The following CPPED1 variants were observed in gnomAD, a reference collection of about 807,000 sequenced individuals.
CPPED1 encodes calcineurin like phosphoesterase domain containing 1, also known as serine/threonine-protein phosphatase CPPED1.
Under a neutral mutation model 28.0 loss-of-function variants are expected in CPPED1, and 28 were observed. The observed-to-expected ratio is 1.00, with a 90% CI of 0.74 to 1.37. CPPED1 has a LOEUF of 1.37. Ranked by LOEUF, CPPED1 falls within the 40% of genes most tolerant of loss-of-function variation. CPPED1 has a pLI of 0.00. For missense variants in CPPED1, 504 were observed against 416.5 expected (o/e 1.21, Z -1.83); for synonymous variants, 198 against 180.2 (o/e 1.10, Z -0.79).
chr16:12,719,499 A>G (rs985991127), intron 2 of CPPED1, among the ~76,000 whole-genome samples: 1 of 152,196 alleles, frequency 6.6e-6, no homozygotes, highest in Non-Finnish European at 1.5e-5. Flanking sequence ...ATGCCTAGAA[A>G]TGTCTCTTGG....
chr16:12,776,641 C>A (rs1262937840), intron 2 of CPPED1, among the ~76,000 whole-genome samples: 1 of 152,220 alleles, frequency 6.6e-6, no homozygotes, highest in African/African-American at 2.4e-5. Context: ...TGCCTTTCAG[C>A]TGGGCGTGGT....
rs1221854708 is a variant in CPPED1 at position 12,662,426 on chromosome 16, C to T, written c.*2460G>A. The T allele has an allele frequency of 6.6e-6, 1 of 152,146 alleles. No individual in the cohort carries two copies. The highest frequency in any genetic ancestry group is 2.4e-5 in the African/African-American group (1 of 41,426). The allele number at this position is 152,146 out of a possible 1,614,324, so 9.4% of individuals were successfully genotyped here. ...TGTATAAATATAAGGCGTACAAGTG[C>T]AGTTTTGTTACACGGATATATTGCG... On this transcript the variant is annotated 3_prime_UTR_variant, in exon 4 of 4. Coordinates refer to ENST00000381774, the MANE Select transcript of CPPED1 (RefSeq NM_018340.3).
Position 12,686,483 on chromosome 16 carries a change from G to A in CPPED1, c.715+18141C>T, listed in dbSNP as rs370333814. The stretch of plus-strand genomic sequence containing the variant: ...GGTTTCTTTGTCAGGGTGGGATTCA[G>A]TGAGACTCCATTAGAATACAGTTTT... On this transcript the variant is annotated intron_variant, in intron 3 of 3. Coordinates refer to ENST00000381774, the MANE Select transcript of CPPED1 (RefSeq NM_018340.3). Among the ~76,000 whole-genome samples, 23 of 152,348 alleles carry A rather than the reference G, an allele frequency of 1.5e-4. No individual in the cohort carries two copies. In the South Asian group the frequency reaches 4.8e-3, roughly 32 times the overall value.
rs2079907501 is a variant in CPPED1, at chr16:12,682,005, G to A, written c.716-16890C>T. Among the ~76,000 whole-genome samples, 1 of 151,998 alleles carries A rather than the reference G, an allele frequency of 6.6e-6. No individual in the cohort carries two copies. The highest frequency in any genetic ancestry group is 1.5e-5 in the Non-Finnish European group (1 of 68,008). ...TTCCCTATCCTGGACTCGAGGATTA[G>A]TTATGCTCCTCCAACCCCCAGACTC... is the stretch of plus-strand genomic sequence containing the variant. On this transcript the variant is annotated intron_variant, in intron 3 of 3. Coordinates refer to ENST00000381774, the MANE Select transcript of CPPED1 (RefSeq NM_018340.3). This position sits in a 1 kb window ranked among gnomAD's most constrained non-coding sequence, Gnocchi z 6.1.
At position 12,767,471 on chromosome 16, in the gene CPPED1, G is replaced by A. The variant is rs76759798; in HGVS notation, c.289+13714C>T. 3.3e-5 allele frequency among the ~76,000 whole-genome samples: 5 copies of A among 152,280 alleles called. No homozygotes were observed. In the East Asian group the frequency reaches 9.7e-4, roughly 29 times the overall value. On this transcript the variant is annotated intron_variant, in intron 2 of 3. Coordinates refer to ENST00000381774, the MANE Select transcript of CPPED1 (RefSeq NM_018340.3). ...CCTCCTAGCCCAGCCAGGCAGACAC[G>A]TAAACTGAACCATCACCAGGTCCTT...
At chr16:12,752,224 C>T (rs117972213) in intron 2 of CPPED1, among the ~76,000 whole-genome samples, 2 of 152,234 alleles carry the variant, frequency 1.3e-5, no homozygotes, top group East Asian at 3.9e-4. Context: ...AAAAAAACAT[C>T]ACAGGCTGTA....
chr16:12,699,255 CTGCT>C (rs1424553079), intron 3 of CPPED1, among the ~76,000 whole-genome samples: 1 of 152,178 alleles, frequency 6.6e-6, no homozygotes, highest in Non-Finnish European at 1.5e-5. Flanking sequence ...ATAACAGGTG[CTGCT>C]TCACACTGGT....
chr16:12,674,230 G>A (rs971367247), intron 3 of CPPED1, among the ~76,000 whole-genome samples: 4 of 152,058 alleles, frequency 2.6e-5, no homozygotes, highest in African/African-American at 4.8e-5. Flanking sequence ...ACAAAGAGAC[G>A]GTCAGGCAGG....
At chr16:12,767,504 C>A (rs182877666) in intron 2 of CPPED1, among the ~76,000 whole-genome samples, 1 of 152,188 alleles carries the variant, frequency 6.6e-6, no homozygotes, top group African/African-American at 2.4e-5. Flanking sequence ...CTTGAAGGAT[C>A]TGATGAGAGC....
intron 2 of CPPED1, among the ~76,000 whole-genome samples, chr16:12,775,170 C>T (rs1296947589): frequency 1.3e-5 from 2 of 152,056 alleles, no homozygotes; most frequent in Admixed American, 6.6e-5. Flanking sequence ...TCAGCCCCCT[C>T]CCCATGTGAT....
intron 2 of CPPED1, among the ~76,000 whole-genome samples, 174 bp from the exon 3 acceptor site, chr16:12,705,223 G>A (rs1385066156): frequency 1.3e-5 from 2 of 152,220 alleles, no homozygotes; most frequent in Non-Finnish European, 2.9e-5. Flanking sequence ...CAACAAGTCC[G>A]ACGGGGGCCT....
At chr16:12,711,214 A>C (rs2080078199) in intron 2 of CPPED1, among the ~76,000 whole-genome samples, 1 of 152,254 alleles carries the variant, frequency 6.6e-6, no homozygotes, top group Non-Finnish European at 1.5e-5. Flanking sequence ...GATATATGCT[A>C]AGTGAAATAA....
At chr16:12,674,748 A>G (rs1018067433) in intron 3 of CPPED1, among the ~76,000 whole-genome samples, 5 of 152,258 alleles carry the variant, frequency 3.3e-5, no homozygotes, top group African/African-American at 1.2e-4. Context: ...ATCCAGGATC[A>G]GAACTCAGGG....
intron 2 of CPPED1, among the ~76,000 whole-genome samples, chr16:12,736,036 C>A (rs1218535308): frequency 1.3e-5 from 2 of 152,054 alleles, no homozygotes; most frequent in Non-Finnish European, 2.9e-5. Flanking sequence ...ATCCCCTGGG[C>A]CCTGGAGCCT....
At chr16:12,734,058 G>GT (rs71142517) in intron 2 of CPPED1, among the ~76,000 whole-genome samples, 871 of 64,404 alleles carry the variant, frequency 0.014, 268 homozygotes, top group African/African-American at 0.054. Flanking sequence ...CAAATTACAC[G>GT]TTTTTTTTTT....
chr16:12,772,254 T>C (rs181749196), intron 2 of CPPED1, among the ~76,000 whole-genome samples: 3 of 152,340 alleles, frequency 2.0e-5, no homozygotes, highest in African/African-American at 7.2e-5. Flanking sequence ...GGTGAACAGC[T>C]ACCAAACTAG....
chr16:12,677,077 G>T (rs2079881496), intron 3 of CPPED1, among the ~76,000 whole-genome samples: 1 of 152,186 alleles, frequency 6.6e-6, no homozygotes, highest in Non-Finnish European at 1.5e-5. Flanking sequence ...TGTCTAGGAA[G>T]CAGCAGGCAC....
chr16:12,712,616 G>A (rs1018552709), intron 2 of CPPED1, among the ~76,000 whole-genome samples: 1 of 152,180 alleles, frequency 6.6e-6, no homozygotes, highest in Non-Finnish European at 1.5e-5. Flanking sequence ...AAGGAGATCC[G>A]AATTTAGTGG....
intron 2 of CPPED1, among the ~76,000 whole-genome samples, chr16:12,715,115 G>C (rs2080100663): frequency 6.6e-6 from 1 of 152,080 alleles, no homozygotes; most frequent in Admixed American, 6.6e-5. Context: ...TAAATGTGAG[G>C]ATTTCTGGAT....
Sources: gnomAD v4.1 joint callset for allele counts (sites outside exome capture counted in the v4.1 genomes callset) on GRCh38, gnomAD v4.1.1 for gene constraint, Gnocchi (gnomAD v3.1) non-coding constraint, MANE v1.5 for transcripts, NCBI Gene and HGNC (gene_info 2026-07-23, HGNC 2026-07-21) for gene names.